FAM110B: variants seen among roughly 807,000 people sequenced by gnomAD.
The protein encoded by FAM110B is protein FAM110B.
A neutral mutation model predicts 20.4 loss-of-function variants in FAM110B; 6 were observed. The observed-to-expected ratio is 0.29, with a 90% CI of 0.16 to 0.58. The LOEUF (loss-of-function observed/expected upper bound fraction) is 0.58, where lower values mean the gene tolerates loss of function less well. Ranked by LOEUF, FAM110B falls within the 20% of genes least tolerant of loss-of-function variation. The pLI is 0.90. For missense variants in FAM110B, 434 were observed against 498.2 expected, an observed-to-expected ratio of 0.87 and a Z score of 1.23; for synonymous variants, 226 against 214.1, an observed-to-expected ratio of 1.06 and a Z score of -0.49.
chr8:58,088,482 C>G (rs1284147065), intron 3 of FAM110B, among the ~76,000 whole-genome samples: 1 of 152,206 alleles, frequency 6.6e-6, no homozygotes, highest in African/African-American at 2.4e-5. Flanking sequence ...TATCTTCATT[C>G]TTGGAAGAGA....
At chr8:58,134,350 G>A (rs1187537340) in intron 3 of FAM110B, among the ~76,000 whole-genome samples, 1 of 152,128 alleles carries the variant, frequency 6.6e-6, no homozygotes, top group Non-Finnish European at 1.5e-5. Context: ...AGAATTCAGT[G>A]CTAATGTGTT....
chr8:58,081,793 G>T (rs970545440), intron 3 of FAM110B, among the ~76,000 whole-genome samples: 43 of 148,892 alleles, frequency 2.9e-4, no homozygotes, highest in Admixed American at 1.3e-3. Flanking sequence ...AAAGCAATGG[G>T]TTTTTTTTTT....
chr8:58,062,258 G>GA, intron 2 of FAM110B, among the ~76,000 whole-genome samples: 1 of 152,288 alleles, frequency 6.6e-6, no homozygotes, highest in South Asian at 2.1e-4. Flanking sequence ...TCTAGATACA[G>GA]AAAAATCATC....
chr8:58,023,849 C>T (rs917299953), intron 1 of FAM110B, among the ~76,000 whole-genome samples: 37 of 152,122 alleles, frequency 2.4e-4, no homozygotes, highest in African/African-American at 8.0e-4. Context: ...TATACTAAGC[C>T]GTGTCTGAGT....
At chr8:58,061,433 A>C (rs971509199) in intron 2 of FAM110B, among the ~76,000 whole-genome samples, 2 of 152,208 alleles carry the variant, frequency 1.3e-5, no homozygotes, top group African/African-American at 4.8e-5. Flanking sequence ...CATTCATCAT[A>C]TGCTATCCCC....
intron 2 of FAM110B, among the ~76,000 whole-genome samples, chr8:58,072,899 A>G (rs1805939532): frequency 6.6e-6 from 1 of 152,224 alleles, no homozygotes; most frequent in Non-Finnish European, 1.5e-5. Context: ...TGAAAAGGAA[A>G]GAGAAATGGG....
At chr8:58,047,058 A>G (rs1805333550) in intron 2 of FAM110B, among the ~76,000 whole-genome samples, 1 of 152,228 alleles carries the variant, frequency 6.6e-6, no homozygotes, top group African/African-American at 2.4e-5. Flanking sequence ...AGAGTTACGA[A>G]GAGAAAATAT....
At chr8:58,037,172 C>T (rs1426458245) in intron 2 of FAM110B, among the ~76,000 whole-genome samples, 1 of 151,960 alleles carries the variant, frequency 6.6e-6, no homozygotes, top group East Asian at 1.9e-4. Flanking sequence ...AACCTACAAA[C>T]CTACTATCTA....
intron 1 of FAM110B, among the ~76,000 whole-genome samples, chr8:58,021,199 G>A (rs577937186): frequency 6.6e-6 from 1 of 152,272 alleles, no homozygotes; most frequent in African/African-American, 2.4e-5. Context: ...TGGAAGCACT[G>A]GATGACCATC....
intron 1 of FAM110B, among the ~76,000 whole-genome samples, chr8:58,018,300 T>C (rs1356732565): frequency 6.6e-6 from 1 of 152,192 alleles, no homozygotes; most frequent in East Asian, 1.9e-4. Flanking sequence ...CATTTAGAAC[T>C]CTCAGGTCTT....
intron 1 of FAM110B, among the ~76,000 whole-genome samples, chr8:58,029,802 A>G (rs1804931111): frequency 6.6e-6 from 1 of 152,222 alleles, no homozygotes; most frequent in Non-Finnish European, 1.5e-5. Context: ...AGTTATTTGT[A>G]TTAGGATCGT....
chr8:58,109,535 T>A (rs914178663), intron 3 of FAM110B, among the ~76,000 whole-genome samples: 1 of 152,194 alleles, frequency 6.6e-6, no homozygotes, highest in Admixed American at 6.5e-5. Context: ...TTTTCTTTTT[T>A]TCTTTTGGTT....
intron 2 of FAM110B, among the ~76,000 whole-genome samples, chr8:58,039,973 T>A (rs532782785): frequency 5.3e-5 from 8 of 151,902 alleles, no homozygotes; most frequent in Non-Finnish European, 7.4e-5. Flanking sequence ...AAAATTTTTT[T>A]AATTAAATTT....
rs765481261 is a variant in FAM110B, at chr8:58,146,995, C to T, written c.765C>T (p.Ser255=). The change falls in exon 4 of 4, where the codon TCC becomes TCT. Residue 255 remains serine, a synonymous_variant. Transcript: ENST00000519262. Reference sequence around the variant, plus strand: ...CTTGTGGAGTCAGCCGAAGACCCTCCCTCCAGCGGTCTAAGTCAGACTTGA... The same window carrying T: ...CTTGTGGAGTCAGCCGAAGACCCTCTCTCCAGCGGTCTAAGTCAGACTTGA... ...EPACGVSRRP[S]LQRSKSDLSD... is the part of the protein sequence containing the mutation. 10 of 1,614,124 alleles carry T rather than the reference C, an allele frequency of 6.2e-6. No individual in the cohort carries two copies. Among genetic ancestry groups the T allele is most frequent in the Middle Eastern group, 3.3e-4 (2 of 6,084 alleles).
chr8:58,114,037 T>TTA (rs1419167330), intron 3 of FAM110B, among the ~76,000 whole-genome samples: 1 of 152,234 alleles, frequency 6.6e-6, no homozygotes, highest in African/African-American at 2.4e-5. Context: ...TCTGCACATT[T>TTA]GATAGGTTTG....
chr8:58,063,670 C>A (rs1805701783), intron 2 of FAM110B, among the ~76,000 whole-genome samples: 1 of 152,128 alleles, frequency 6.6e-6, no homozygotes, highest in Admixed American at 6.5e-5. Context: ...TCATGCTCTA[C>A]CTGTATACAT....
rs1361042179 is a variant in FAM110B, at chr8:58,011,558, C to T, written c.-512+16752C>T. Reference sequence around the variant, plus strand: ...TACGTATATGTTTACCCACTGTGCACGCACTCAGCTCCTTCCAAACCTGTG... The same window carrying T: ...TACGTATATGTTTACCCACTGTGCATGCACTCAGCTCCTTCCAAACCTGTG... On this transcript the variant is annotated intron_variant, in intron 1 of 3. Coordinates refer to ENST00000519262, the MANE Select transcript of FAM110B (RefSeq NM_001377989.1). Among the ~76,000 whole-genome samples the T allele has an allele frequency of 4.6e-5, 7 of 152,146 alleles. No individual in the cohort carries two copies. In the East Asian group the frequency reaches 5.8e-4, roughly 13 times the overall value.
chr8:58,098,053 T>C lies in FAM110B; in HGVS notation c.-325+22430T>C, dbSNP rs1262852968. Among the ~76,000 whole-genome samples, 10 of 152,180 alleles carry C rather than the reference T, an allele frequency of 6.6e-5. No homozygotes were observed. In the East Asian group the frequency reaches 1.7e-3, roughly 26 times the overall value. On this transcript the variant is annotated intron_variant, in intron 3 of 3. Transcript: ENST00000519262. ...CCACTTGAGGGGGCAGTCTGTCCCT[T>C]AGCAGAGCTCAAGCTCTGTGCGGGG... is the stretch of plus-strand genomic sequence containing the variant.
intron 1 of FAM110B, among the ~76,000 whole-genome samples, chr8:58,005,754 C>G (rs1026130477): frequency 6.6e-6 from 1 of 152,218 alleles, no homozygotes; most frequent in Non-Finnish European, 1.5e-5. Context: ...TTATCCCCAA[C>G]AAAACTTACA....
Sources: gnomAD v4.1 joint callset for allele counts (sites outside exome capture counted in the v4.1 genomes callset) on GRCh38, gnomAD v4.1.1 for gene constraint, MANE v1.5 for transcripts, NCBI Gene and HGNC (gene_info 2026-07-23, HGNC 2026-07-21) for gene names.